The following KCNN2 variants were observed in gnomAD, a reference collection of about 807,000 sequenced individuals.
KCNN2 encodes the protein potassium calcium-activated channel subfamily N member 2, also known as small conductance calcium-activated potassium channel protein 2.
A neutral mutation model predicts 55.5 loss-of-function variants in KCNN2; 24 were observed. The observed-to-expected ratio is 0.43, with a 90% CI of 0.31 to 0.61. KCNN2 has a LOEUF of 0.61. Ranked by LOEUF, KCNN2 falls within the 20% of genes least tolerant of loss-of-function variation. The pLI is 0.08. For missense variants in KCNN2, 754 were observed against 853.6 expected, an observed-to-expected ratio of 0.88 and a Z score of 1.45; for synonymous variants, 431 against 336.1, an observed-to-expected ratio of 1.28 and a Z score of -3.09.
At chr5:114,295,771 G>C (rs888751883) in intron 2 of KCNN2, among the ~76,000 whole-genome samples, 1 of 152,168 alleles carries the variant, frequency 6.6e-6, no homozygotes, top group Admixed American at 6.5e-5. Context: ...TGGAAATGCA[G>C]AAATCACCCA....
chr5:114,165,159 A>G (rs1005435155), intron 1 of KCNN2, among the ~76,000 whole-genome samples: 1 of 152,186 alleles, frequency 6.6e-6, no homozygotes, highest in East Asian at 1.9e-4. Flanking sequence ...TGTGAGGTCT[A>G]CTTACATGTG....
chr5:114,251,816 A>G (rs1231183434), intron 2 of KCNN2, among the ~76,000 whole-genome samples: 1 of 151,938 alleles, frequency 6.6e-6, no homozygotes, highest in African/African-American at 2.4e-5. Context: ...GGAAAAATAG[A>G]ATAATATTGT....
At chr5:114,075,343 A>G (rs1750663426) in intron 1 of KCNN2, among the ~76,000 whole-genome samples, 1 of 152,196 alleles carries the variant, frequency 6.6e-6, no homozygotes, top group South Asian at 2.1e-4. Flanking sequence ...TCCCTAAATT[A>G]GCATTTCTAT....
At chr5:114,203,487 C>G (rs1753714790) in intron 1 of KCNN2, among the ~76,000 whole-genome samples, 1 of 152,176 alleles carries the variant, frequency 6.6e-6, no homozygotes, top group Admixed American at 6.5e-5. Flanking sequence ...TTCTCTGAGG[C>G]TAATTGGTAC....
chr5:114,174,359 C>G (rs1242755243), intron 1 of KCNN2, among the ~76,000 whole-genome samples: 1 of 152,102 alleles, frequency 6.6e-6, no homozygotes, highest in East Asian at 1.9e-4. Context: ...GTGACACAAA[C>G]AGACCTACTG....
At chr5:114,291,067 C>T (rs1755876847) in intron 2 of KCNN2, among the ~76,000 whole-genome samples, 1 of 151,632 alleles carries the variant, frequency 6.6e-6, no homozygotes, top group Non-Finnish European at 1.5e-5. Flanking sequence ...TGTTTTTGTG[C>T]ATGAAATAAT....
chr5:114,116,298 G>T (rs1751707072), intron 1 of KCNN2, among the ~76,000 whole-genome samples: 1 of 152,126 alleles, frequency 6.6e-6, no homozygotes, highest in Non-Finnish European at 1.5e-5. Flanking sequence ...CAGTCAGAGA[G>T]GCAAAGGGAG....
chr5:114,168,215 A>G (rs934454590), intron 1 of KCNN2, among the ~76,000 whole-genome samples: 2 of 151,424 alleles, frequency 1.3e-5, no homozygotes, highest in Non-Finnish European at 2.9e-5. Flanking sequence ...TCTAGGTAGT[A>G]TGATAAATAC....
intron 1 of KCNN2, among the ~76,000 whole-genome samples, chr5:114,097,862 C>G (rs1224508120): frequency 6.6e-6 from 1 of 152,170 alleles, no homozygotes; most frequent in African/African-American, 2.4e-5. Flanking sequence ...CTCCAGTGTC[C>G]TAAGCTTCCT....
At chr5:114,358,717 ATAAG>A (rs2150042867), upstream of KCNN2, among the ~76,000 whole-genome samples, 1 of 152,294 alleles carries the variant, frequency 6.6e-6, no homozygotes, top group South Asian at 2.1e-4. Flanking sequence ...ACAAATATAA[ATAAG>A]TATCTACTAT....
At chr5:114,063,503 C>T (rs141023323) in intron 1 of KCNN2, among the ~76,000 whole-genome samples, 10 of 152,158 alleles carry the variant, frequency 6.6e-5, no homozygotes, top group African/African-American at 2.4e-4. Flanking sequence ...AACCACCCCC[C>T]CTCCAAATTT....
intron 3 of KCNN2, among the ~76,000 whole-genome samples, chr5:114,462,724 A>C (rs995834669): frequency 3.9e-5 from 6 of 152,348 alleles, no homozygotes; most frequent in Non-Finnish European, 7.3e-5. Flanking sequence ...AGTCTGGCAC[A>C]TCAGCTAGGC....
intron 6 of KCNN2, 186 bp from the exon 7 acceptor site, chr5:114,493,217 T>C: frequency 1.5e-6 from 1 of 675,618 alleles, no homozygotes. Flanking sequence ...TCCTTTCTTT[T>C]TTGCGGTGTT....
chr5:114,070,406 G>A (rs1750544103), intron 1 of KCNN2, among the ~76,000 whole-genome samples: 2 of 152,168 alleles, frequency 1.3e-5, no homozygotes, highest in African/African-American at 4.8e-5. Context: ...CTTTACCTGA[G>A]CTATTCTTTA....
At chr5:114,473,309 C>T in intron 5 of KCNN2, 145 bp downstream of exon 5, 1 of 643,486 alleles carries the variant, frequency 1.6e-6, no homozygotes, top group Admixed American at 2.4e-5. Flanking sequence ...CATTTTATCA[C>T]ATTTTGAGAA....
chr5:114,280,434 G>A (rs1352558166), intron 2 of KCNN2, among the ~76,000 whole-genome samples: 1 of 152,146 alleles, frequency 6.6e-6, no homozygotes, highest in Non-Finnish European at 1.5e-5. Context: ...ATGGTTTTAG[G>A]TCTAATATTT....
intron 2 of KCNN2, among the ~76,000 whole-genome samples, chr5:114,298,823 G>A (rs1756089198): frequency 6.6e-6 from 1 of 152,120 alleles, no homozygotes; most frequent in Non-Finnish European, 1.5e-5. Flanking sequence ...TCTACATCAT[G>A]TGTGATCGCT....
intron 1 of KCNN2, among the ~76,000 whole-genome samples, chr5:114,113,424 A>AG (rs1751643444): frequency 6.6e-6 from 1 of 152,076 alleles, no homozygotes; most frequent in South Asian, 2.1e-4. Flanking sequence ...AAGGTAGCTT[A>AG]GGGGAGGAGA....
At chr5:114,098,678 C>T (rs893884210) in intron 1 of KCNN2, among the ~76,000 whole-genome samples, 2 of 151,944 alleles carry the variant, frequency 1.3e-5, no homozygotes, top group Non-Finnish European at 2.9e-5. Context: ...GGTTGGGGAC[C>T]GCTGGTCTAC....
Sources: gnomAD v4.1 joint callset for allele counts (sites outside exome capture counted in the v4.1 genomes callset) on GRCh38, gnomAD v4.1.1 for gene constraint, MANE v1.5 for transcripts, NCBI Gene and HGNC (gene_info 2026-07-23, HGNC 2026-07-21) for gene names.